The following UBXN2A variants were observed in gnomAD, a reference collection of about 807,000 sequenced individuals.
UBXN2A encodes the protein UBX domain protein 2A.
Under a neutral mutation model 28.4 loss-of-function variants are expected in UBXN2A, and 28 were observed. That is an observed-to-expected ratio of 0.99 (90% CI 0.73 to 1.35). UBXN2A has a LOEUF of 1.35. Ranked by LOEUF, UBXN2A falls within the 40% of genes most tolerant of loss-of-function variation. The pLI, the probability that UBXN2A is intolerant of heterozygous loss-of-function variation, is 0.00. For missense variants in UBXN2A, 253 were observed against 297.9 expected, an observed-to-expected ratio of 0.85 and a Z score of 1.11; for synonymous variants, 97 against 103.6, an observed-to-expected ratio of 0.94 and a Z score of 0.39.
At chr2:23,987,411 A>G (rs1708174559) in intron 6 of UBXN2A, among the ~76,000 whole-genome samples, 1 of 152,194 alleles carries the variant, frequency 6.6e-6, no homozygotes, top group Admixed American at 6.5e-5. Flanking sequence ...CCTAGTATAT[A>G]TGTATTGCTA....
In UBXN2A at chr2:23,976,891, T is replaced by C. The variant is rs935238951; in HGVS notation, c.181-78T>C. ...CCACCCCACCCGGCCTGAATAGTGA[T>C]AGAAGAAATTTTCAAAGGACTTTCA... On this transcript the variant is annotated intron_variant, in intron 3 of 6. Transcript: ENST00000309033. The C allele has an allele frequency of 8.0e-6, 10 of 1,252,732 alleles. No individual in the cohort carries two copies. In the African/African-American group the frequency reaches 1.5e-4, roughly 19 times the overall value. The allele number at this position is 1,252,732 out of a possible 1,614,324, so 77.6% of individuals were successfully genotyped here. A position where few individuals can be genotyped will look rare whatever the true frequency, so the allele number is the denominator to read the frequency against.
intron 5 of UBXN2A, among the ~76,000 whole-genome samples, chr2:23,984,419 T>C (rs1708040377): frequency 6.6e-6 from 1 of 152,200 alleles, no homozygotes; most frequent in Non-Finnish European, 1.5e-5. Flanking sequence ...TGTAAAGCAC[T>C]ACTCAAATAA....
upstream of UBXN2A, among the ~76,000 whole-genome samples, chr2:23,936,430 C>T (rs1705529592): frequency 4.6e-5 from 7 of 151,884 alleles, no homozygotes; most frequent in Admixed American, 4.6e-4. Flanking sequence ...GTAGAATAGG[C>T]TGTGCGTGGT....
At chr2:23,934,224 A>T (rs1705459498) in intron 1 of UBXN2A, among the ~76,000 whole-genome samples, 3 of 152,164 alleles carry the variant, frequency 2.0e-5, no homozygotes, top group African/African-American at 7.2e-5. Flanking sequence ...ATAAAAAAAA[A>T]AAATTGTTGA....
At chr2:23,966,515 T>G (rs12992933) in intron 2 of UBXN2A, among the ~76,000 whole-genome samples, 1 of 147,794 alleles carries the variant, frequency 6.8e-6, no homozygotes, top group African/African-American at 2.5e-5. Context: ...TGCGGTGGCG[T>G]GATCTCAGCT....
At chr2:23,980,775 G>A (rs1015738587) in intron 4 of UBXN2A, among the ~76,000 whole-genome samples, 4 of 152,044 alleles carry the variant, frequency 2.6e-5, no homozygotes, top group Non-Finnish European at 5.9e-5. Flanking sequence ...TTACAGGCAT[G>A]TACCACCACA....
intron 6 of UBXN2A, among the ~76,000 whole-genome samples, chr2:23,995,746 A>G (rs1187069581): frequency 6.6e-6 from 1 of 151,904 alleles, no homozygotes; most frequent in Non-Finnish European, 1.5e-5. Context: ...ACCCTGATGA[A>G]CCCATTGTAA....
chr2:23,976,644 T>C lies in UBXN2A; in HGVS notation c.181-325T>C, dbSNP rs545902529. On this transcript the variant is annotated intron_variant, in intron 3 of 6. Transcript: ENST00000309033. ...ATTGCATGGGAAACACGGGCCCCCGTGATTCAATTACCTCCCCCTTGGTCC... is the reference window on the plus strand; with the variant it reads ...ATTGCATGGGAAACACGGGCCCCCGCGATTCAATTACCTCCCCCTTGGTCC... 2.0e-5 allele frequency among the ~76,000 whole-genome samples: 3 copies of C among 152,212 alleles called. No individual in the cohort carries two copies. In the South Asian group the frequency reaches 6.2e-4, roughly 32 times the overall value.
intron 2 of UBXN2A, among the ~76,000 whole-genome samples, chr2:23,965,983 A>G (rs1352207423): frequency 6.6e-6 from 1 of 152,002 alleles, no homozygotes; most frequent in Non-Finnish European, 1.5e-5. Context: ...CTAAGTTATC[A>G]ATTTTAGGGG....
intron 1 of UBXN2A, among the ~76,000 whole-genome samples, chr2:23,941,769 C>T (rs75293971): frequency 0.079 from 11,944 of 152,098 alleles, 599 homozygotes; most frequent in South Asian, 0.12. Context: ...TTGGGCAAAA[C>T]AGATATTAAG....
At chr2:23,992,733 C>T (rs1201628318) in intron 6 of UBXN2A, among the ~76,000 whole-genome samples, 2 of 152,152 alleles carry the variant, frequency 1.3e-5, no homozygotes, top group Admixed American at 1.3e-4. Context: ...CTTGGTAATG[C>T]TTTTTGTGTT....
intron 1 of UBXN2A, chr2:23,944,365 C>A: frequency 6.8e-7 from 1 of 1,472,742 alleles, no homozygotes; most frequent in Non-Finnish European, 9.5e-7. Context: ...ACTGAGGTGA[C>A]CAGCATCATC....
At chr2:23,946,934 C>T (rs1706116357) in intron 1 of UBXN2A, among the ~76,000 whole-genome samples, 1 of 144,552 alleles carries the variant, frequency 6.9e-6, no homozygotes, top group Non-Finnish European at 1.5e-5. Flanking sequence ...CTTACCCAGG[C>T]TGAAATTCAG....
At chr2:23,972,833 ATAAAT>A (rs1401574084) in intron 3 of UBXN2A, among the ~76,000 whole-genome samples, 1 of 152,172 alleles carries the variant, frequency 6.6e-6, no homozygotes, top group Non-Finnish European at 1.5e-5. Context: ...AAATAAATAA[ATAAAT>A]TAATTAATTA....
rs1410208909 is a variant in UBXN2A, at chr2:24,000,189, C to T, written c.*322C>T. 4.7e-6 allele frequency: 1 copy of T among 211,794 alleles called. No homozygotes were observed. Among genetic ancestry groups the T allele is most frequent in the Admixed American group, 5.5e-5 (1 of 18,152 alleles). The allele number at this position is 211,794 out of a possible 1,614,324, so 13.1% of individuals were successfully genotyped here. ...AATTAGCATATGTATTCACAATATT[C>T]ATTCAGACATCATTCCCAGACAGCA... On this transcript the variant is annotated 3_prime_UTR_variant, in exon 7 of 7. Transcript: ENST00000309033.
At chr2:23,962,371 C>T (rs1197283458) in intron 2 of UBXN2A, among the ~76,000 whole-genome samples, 2 of 151,558 alleles carry the variant, frequency 1.3e-5, no homozygotes, top group Admixed American at 1.3e-4. Flanking sequence ...TTACCTGAAG[C>T]AAAGGAAACA....
chr2:23,988,679 G>A (rs541734084), intron 6 of UBXN2A, among the ~76,000 whole-genome samples: 2 of 152,210 alleles, frequency 1.3e-5, no homozygotes, highest in Admixed American at 6.5e-5. Flanking sequence ...TTTTCCCTTT[G>A]TAATTAATCT....
upstream of UBXN2A, among the ~76,000 whole-genome samples, chr2:23,936,507 T>C (rs1705532106): frequency 6.6e-6 from 1 of 151,476 alleles, no homozygotes; most frequent in African/African-American, 2.4e-5. Context: ...GTCCAGGAGT[T>C]TGAGACTAGC....
chr2:23,972,738 C>T (rs889084638), intron 3 of UBXN2A, among the ~76,000 whole-genome samples: 5 of 152,002 alleles, frequency 3.3e-5, no homozygotes, highest in South Asian at 2.1e-4. Context: ...AGGAGAATCG[C>T]GTGAACCTGG....
Sources: gnomAD v4.1 joint callset for allele counts (sites outside exome capture counted in the v4.1 genomes callset) on GRCh38, gnomAD v4.1.1 for gene constraint, MANE v1.5 for transcripts, NCBI Gene and HGNC (gene_info 2026-07-23, HGNC 2026-07-21) for gene names.